Variants in CFAP44 observed in about 807,000 individuals in gnomAD.
CFAP44 encodes the protein cilia- and flagella-associated protein 44.
A neutral mutation model predicts 216.2 loss-of-function variants in CFAP44; 134 were observed. The ratio of observed to expected loss-of-function variants is 0.62; its 90% CI spans 0.54 to 0.72. The LOEUF (loss-of-function observed/expected upper bound fraction) is 0.72. Among genes scored for constraint, CFAP44 ranks in the 30% least tolerant of loss-of-function variants. The pLI is 0.00. For missense variants in CFAP44, 2,035 were observed against 2,182.1 expected (o/e 0.93, Z 1.34); for synonymous variants, 700 against 727.6 (o/e 0.96, Z 0.61).
At chr3:113,305,002 G>A (rs768779373) in intron 31 of CFAP44, 34 bp downstream of exon 31, 10 of 1,522,104 alleles carry the variant, frequency 6.6e-6, no homozygotes, top group East Asian at 2.5e-5. Context: ...GACTCTTCTC[G>A]GACAGGATGG....
intron 15 of CFAP44, among the ~76,000 whole-genome samples, chr3:113,393,914 C>G (rs1423587248): frequency 6.6e-6 from 1 of 152,182 alleles, no homozygotes; most frequent in Non-Finnish European, 1.5e-5. Flanking sequence ...GAGGCCCTCA[C>G]CAGAAGAAGA....
chr3:113,368,847 T>C (rs944802619), intron 18 of CFAP44, among the ~76,000 whole-genome samples: 4 of 152,092 alleles, frequency 2.6e-5, no homozygotes, highest in African/African-American at 9.7e-5. Context: ...AGGAGACCCA[T>C]CTCACTTACA....
intron 22 of CFAP44, among the ~76,000 whole-genome samples, chr3:113,354,653 A>T (rs1196626476): frequency 6.6e-6 from 1 of 152,136 alleles, no homozygotes; most frequent in African/African-American, 2.4e-5. Context: ...GGAGAGGGTG[A>T]GCTCAGACAC....
At chr3:113,296,642 T>G in intron 33 of CFAP44, 83 bp downstream of exon 33, 1 of 1,466,074 alleles carries the variant, frequency 6.8e-7, no homozygotes, top group South Asian at 1.3e-5. Flanking sequence ...ACACAGATGC[T>G]TCATGGGTAC....
At chr3:113,441,397 CCA>C in intron 1 of CFAP44, 54 bp downstream of exon 1, 1 of 985,844 alleles carries the variant, frequency 1.0e-6, no homozygotes, top group Non-Finnish European at 1.2e-6. Context: ...GCCCTCTGAG[CCA>C]CAGATTTAAG....
At chr3:113,347,525 A>C (rs1185010270) in intron 22 of CFAP44, among the ~76,000 whole-genome samples, 1 of 152,128 alleles carries the variant, frequency 6.6e-6, no homozygotes, top group Non-Finnish European at 1.5e-5. Flanking sequence ...TTCTCCTATA[A>C]TGATTTCTAG....
intron 28 of CFAP44, among the ~76,000 whole-genome samples, chr3:113,314,032 A>C (rs1355188849): frequency 2.0e-5 from 3 of 152,232 alleles, no homozygotes; most frequent in Non-Finnish European, 1.5e-5. Context: ...AAGAGCAAAA[A>C]CAAAACAAAA....
chr3:113,372,511 T>C (rs1441622009), intron 18 of CFAP44, among the ~76,000 whole-genome samples: 1 of 152,062 alleles, frequency 6.6e-6, no homozygotes, highest in East Asian at 1.9e-4. Context: ...TTCTCACTCA[T>C]AGGTGGGAAT....
In CFAP44 at chr3:113,288,716, CAT is replaced by C. The variant is rs1949799742; in HGVS notation, c.*2839_*2840del. On this transcript the variant is annotated 3_prime_UTR_variant, in exon 35 of 35. Transcript: ENST00000393845. ...TCTGCTTTCTGCACAGCACTGGAAT[CAT>C]AGCACTCAATGGATTTAGCTCTAAA... 6.6e-6 allele frequency: 1 copy of C among 152,246 alleles called. No individual in the cohort carries two copies. Among genetic ancestry groups the C allele is most frequent in the African/African-American group, 2.4e-5 (1 of 41,450 alleles). 9.4% of individuals were successfully genotyped at this position (152,246 alleles called of 1,614,324 possible).
intron 18 of CFAP44, among the ~76,000 whole-genome samples, chr3:113,371,351 A>T (rs1933157019): frequency 6.6e-6 from 1 of 152,232 alleles, no homozygotes; most frequent in Admixed American, 6.5e-5. Flanking sequence ...TATAGTAACC[A>T]AAACAGCATG....
chr3:113,350,033 A>G (rs9878805), intron 22 of CFAP44, among the ~76,000 whole-genome samples: 34,036 of 152,106 alleles, frequency 0.22, 4,139 homozygotes, highest in East Asian at 0.41. Context: ...AAATATCACA[A>G]GGAAACCATG....
chr3:113,362,298 A>G (rs986313425), intron 21 of CFAP44, among the ~76,000 whole-genome samples: 29 of 151,988 alleles, frequency 1.9e-4, no homozygotes, highest in African/African-American at 6.8e-4. Flanking sequence ...GGGGGTGGCA[A>G]GGTGACAGTA....
chr3:113,398,401 G>C (rs1313703564), intron 13 of CFAP44, among the ~76,000 whole-genome samples: 2 of 152,268 alleles, frequency 1.3e-5, no homozygotes, highest in East Asian at 3.9e-4. Context: ...TAGCCTTCCA[G>C]AAAGGCAAGG....
chr3:113,396,376 A>G, intron 14 of CFAP44, 142 bp downstream of exon 14: 1 of 887,512 alleles, frequency 1.1e-6, no homozygotes, highest in Middle Eastern at 3.1e-4. Flanking sequence ...ACGCTGAAAG[A>G]ATATGACTAC....
chr3:113,304,913 A>G (rs1433946300), intron 31 of CFAP44, 123 bp downstream of exon 31: 1 of 742,330 alleles, frequency 1.3e-6, no homozygotes, highest in Non-Finnish European at 2.2e-6. Context: ...GTCATTCTAC[A>G]GGTGGAATTC....
At chr3:113,320,453 T>G (rs199780511) in intron 28 of CFAP44, among the ~76,000 whole-genome samples, 5,196 of 113,772 alleles carry the variant, frequency 0.046, 129 homozygotes, top group East Asian at 0.12. Context: ...TGATATATAT[T>G]ACATCTATAT....
At chr3:113,345,202 C>A (rs1201779570) in intron 22 of CFAP44, among the ~76,000 whole-genome samples, 1 of 149,794 alleles carries the variant, frequency 6.7e-6, no homozygotes, top group Non-Finnish European at 1.5e-5. Flanking sequence ...CATAGATATA[C>A]AAATAAATAT....
At chr3:113,419,457 T>G (rs59493419) in intron 5 of CFAP44, among the ~76,000 whole-genome samples, 4,356 of 152,300 alleles carry the variant, frequency 0.029, 110 homozygotes, top group East Asian at 0.1. Context: ...AACTTATTAA[T>G]TAGTCTTATA....
chr3:113,323,935 T>C (rs996425930), intron 28 of CFAP44, among the ~76,000 whole-genome samples: 5 of 151,662 alleles, frequency 3.3e-5, no homozygotes, highest in Non-Finnish European at 5.9e-5. Flanking sequence ...TCCCAGCTAC[T>C]TGGGAGGCTG....
Sources: gnomAD v4.1 joint callset for allele counts (sites outside exome capture counted in the v4.1 genomes callset) on GRCh38, gnomAD v4.1.1 for gene constraint, MANE v1.5 for transcripts, NCBI Gene and HGNC (gene_info 2026-07-23, HGNC 2026-07-21) for gene names.